The following BABAM2 variants were observed in gnomAD, a reference collection of about 807,000 sequenced individuals.
BABAM2 encodes the protein BRISC and BRCA1 A complex member 2, also known as BRISC and BRCA1-A complex member 2.
In BABAM2, 31 loss-of-function variants were observed where a neutral mutation model predicts 54.7. The ratio of observed to expected loss-of-function variants is 0.57; its 90% CI spans 0.43 to 0.77. The LOEUF (loss-of-function observed/expected upper bound fraction) is 0.77, where lower values mean the gene tolerates loss of function less well. Among genes scored for constraint, BABAM2 ranks in the 30% least tolerant of loss-of-function variants. The pLI is 0.00. For missense variants in BABAM2, 364 were observed against 455.8 expected (o/e 0.80, Z 1.83); for synonymous variants, 167 against 162.9 (o/e 1.03, Z -0.19).
intron 7 of BABAM2, among the ~76,000 whole-genome samples, chr2:28,139,062 A>G (rs970072255): frequency 6.6e-6 from 1 of 152,148 alleles, no homozygotes; most frequent in Non-Finnish European, 1.5e-5. Flanking sequence ...TACCCAAGCC[A>G]TAGGTAGTGG....
In BABAM2 at chr2:28,205,911, G is replaced by A. The variant is rs147356415; in HGVS notation, c.681-31291G>A. 8.1e-3 allele frequency among the ~76,000 whole-genome samples: 1,231 copies of A among 152,220 alleles called. 16 individuals carry two copies. Among genetic ancestry groups the A allele is most frequent in the Non-Finnish European group, 0.013 (892 of 67,992 alleles). ...CAGCTTTTAAAATATTAAAAATTCT[G>A]TTGCTGGCTTGCTTTTCAAATTAGT... On this transcript the variant is annotated intron_variant, in intron 7 of 11. Transcript: ENST00000379624.
intron 7 of BABAM2, among the ~76,000 whole-genome samples, chr2:28,183,180 T>C (rs1274170750): frequency 6.6e-6 from 1 of 152,224 alleles, no homozygotes; most frequent in African/African-American, 2.4e-5. Flanking sequence ...GGCTCACACC[T>C]GTAATCCCAG....
intron 6 of BABAM2, among the ~76,000 whole-genome samples, chr2:28,124,416 A>G (rs553305713): frequency 1.3e-5 from 2 of 152,362 alleles, no homozygotes; most frequent in South Asian, 2.1e-4. Context: ...TCTATCATCT[A>G]TAAAAGAGCA....
intron 10 of BABAM2, among the ~76,000 whole-genome samples, chr2:28,255,046 A>G (rs1683850749): frequency 6.6e-6 from 1 of 151,704 alleles, no homozygotes; most frequent in African/African-American, 2.4e-5. Context: ...CCAGATAAGG[A>G]TTTTTTAAAA....
At chr2:27,909,102 G>A (rs920067819) in intron 2 of BABAM2, among the ~76,000 whole-genome samples, 1 of 151,964 alleles carries the variant, frequency 6.6e-6, no homozygotes, top group Non-Finnish European at 1.5e-5. Flanking sequence ...GAGTGCAGTG[G>A]GGCAATCACA....
intron 6 of BABAM2, among the ~76,000 whole-genome samples, chr2:28,118,428 G>A (rs1201298950): frequency 6.6e-6 from 1 of 152,182 alleles, no homozygotes; most frequent in Non-Finnish European, 1.5e-5. Flanking sequence ...GGCATGAGAT[G>A]GTATCTCACT....
At chr2:28,326,533 C>A (rs1224413853) in intron 11 of BABAM2, among the ~76,000 whole-genome samples, 3 of 152,224 alleles carry the variant, frequency 2.0e-5, no homozygotes, top group African/African-American at 4.8e-5. Flanking sequence ...CAGGTGCACC[C>A]ATCTTCCCAG....
intron 6 of BABAM2, among the ~76,000 whole-genome samples, chr2:28,082,313 G>T (rs1248853146): frequency 6.6e-6 from 1 of 152,126 alleles, no homozygotes; most frequent in African/African-American, 2.4e-5. Context: ...GTTGAGCACT[G>T]GTATTTCATA....
At chr2:28,094,846 A>C (rs1279379235) in intron 6 of BABAM2, among the ~76,000 whole-genome samples, 1 of 149,140 alleles carries the variant, frequency 6.7e-6, no homozygotes, top group African/African-American at 2.5e-5. Context: ...TCTGCATCTC[A>C]GTGTTTTTAC....
At chr2:28,208,973 T>C (rs1439623147) in intron 7 of BABAM2, among the ~76,000 whole-genome samples, 1 of 152,238 alleles carries the variant, frequency 6.6e-6, no homozygotes, top group Non-Finnish European at 1.5e-5. Flanking sequence ...GTCCCAACTC[T>C]GCCTTCAGGC....
chr2:27,901,493 G>C (rs1665794768), intron 2 of BABAM2, among the ~76,000 whole-genome samples: 1 of 152,144 alleles, frequency 6.6e-6, no homozygotes, highest in Non-Finnish European at 1.5e-5. Flanking sequence ...TTTTGTCCAT[G>C]TTCTGAATTT....
intron 2 of BABAM2, among the ~76,000 whole-genome samples, chr2:27,916,785 G>A (rs920008419): frequency 6.6e-6 from 1 of 152,152 alleles, no homozygotes; most frequent in Non-Finnish European, 1.5e-5. Context: ...GGTTACCCAA[G>A]CTAAAAGTGG....
rs1465774920 is a variant in BABAM2 at position 27,928,813 on chromosome 2, G to A, written c.129-1019G>A. On this transcript the variant is annotated intron_variant, in intron 2 of 11. Coordinates refer to ENST00000379624, the MANE Select transcript of BABAM2 (RefSeq NM_199191.3). ...TTTATTAACTTATGAAGCCCATGCAGCTGTTATGCAGTTGAACTTATGACT... is the reference window on the plus strand; with the variant it reads ...TTTATTAACTTATGAAGCCCATGCAACTGTTATGCAGTTGAACTTATGACT... Among the ~76,000 whole-genome samples, 176 of 151,896 alleles carry A rather than the reference G, an allele frequency of 1.2e-3. 1 individual carries two copies. The highest frequency in any genetic ancestry group is 2.4e-4 in the Non-Finnish European group (16 of 68,000).
intron 11 of BABAM2, among the ~76,000 whole-genome samples, chr2:28,312,992 C>T (rs1689208749): frequency 1.3e-5 from 2 of 152,174 alleles, no homozygotes; most frequent in Non-Finnish European, 2.9e-5. Context: ...TGACCTCCTA[C>T]GTTTCCCCTC....
chr2:27,963,587 A>C (rs145953508), intron 3 of BABAM2, among the ~76,000 whole-genome samples: 1 of 151,952 alleles, frequency 6.6e-6, no homozygotes, highest in Admixed American at 6.6e-5. Context: ...GCCAACATGG[A>C]TTTACATAGA....
At chr2:28,025,125 T>C (rs1311065042) in intron 4 of BABAM2, 101 bp from the exon 5 acceptor site, 2 of 1,095,560 alleles carry the variant, frequency 1.8e-6, no homozygotes, top group African/African-American at 3.2e-5. Context: ...TCCTCTTAGA[T>C]TTCTATTACT....
intron 9 of BABAM2, among the ~76,000 whole-genome samples, chr2:28,244,023 T>C (rs1682692824): frequency 6.6e-6 from 1 of 152,198 alleles, no homozygotes; most frequent in African/African-American, 2.4e-5. Context: ...CTCCAGGCGC[T>C]CAGCTCTTGA....
chr2:27,950,754 G>T (rs1432088498), intron 3 of BABAM2, among the ~76,000 whole-genome samples: 1 of 151,908 alleles, frequency 6.6e-6, no homozygotes, highest in Non-Finnish European at 1.5e-5. Flanking sequence ...GGTAGAATTT[G>T]CCAGTGAAAC....
chr2:28,178,477 A>G (rs1397830510), intron 7 of BABAM2, among the ~76,000 whole-genome samples: 2 of 152,154 alleles, frequency 1.3e-5, no homozygotes, highest in Non-Finnish European at 2.9e-5. Flanking sequence ...ATAGCACACC[A>G]CAACCTATGA....
Sources: allele counts gnomAD v4.1 joint callset (sites outside exome capture counted in the v4.1 genomes callset), GRCh38; gene constraint gnomAD v4.1.1; transcripts MANE v1.5; gene names NCBI Gene and HGNC (gene_info 2026-07-23, HGNC 2026-07-21).